The following CAMKMT variants were observed in gnomAD, a reference collection of about 807,000 sequenced individuals.
The protein encoded by CAMKMT is CaM KMT.
Under a neutral mutation model 48.0 loss-of-function variants are expected in CAMKMT, and 53 were observed. The observed-to-expected ratio is 1.10, with a 90% CI of 0.89 to 1.39. The LOEUF (loss-of-function observed/expected upper bound fraction) is 1.39. Among genes scored for constraint, CAMKMT ranks in the 40% most tolerant of loss-of-function variants. The probability of loss-of-function intolerance (pLI) is 0.00; values close to 1 mark genes in which losing one functional copy is unlikely to be tolerated. For synonymous variants in CAMKMT, 165 were observed against 152.3 expected (o/e 1.08, Z -0.61); for missense variants, 428 against 402.7 (o/e 1.06, Z -0.54).
At chr2:44,382,299 T>C (rs1001422443) in intron 2 of CAMKMT, among the ~76,000 whole-genome samples, 5 of 151,974 alleles carry the variant, frequency 3.3e-5, no homozygotes, top group African/African-American at 1.2e-4. Context: ...TAGTTTTCCA[T>C]ATTAGTGTAA....
At chr2:44,473,257 G>A (rs958653803) in intron 3 of CAMKMT, among the ~76,000 whole-genome samples, 6 of 152,036 alleles carry the variant, frequency 3.9e-5, no homozygotes, top group Admixed American at 6.6e-5. Flanking sequence ...GATAGGTATC[G>A]CATTAAAAAA....
intron 1 of CAMKMT, among the ~76,000 whole-genome samples, chr2:44,366,654 A>C: frequency 6.6e-6 from 1 of 152,196 alleles, no homozygotes; most frequent in East Asian, 1.9e-4. Flanking sequence ...ATTTGAGATA[A>C]TATTTGTAAA....
In CAMKMT at chr2:44,372,820, T is replaced by G; in HGVS notation, c.243T>G (p.Thr81=). 6.2e-7 allele frequency: 1 copy of G among 1,613,982 alleles called. No individual in the cohort carries two copies. The highest frequency in any genetic ancestry group is 8.5e-7 in the Non-Finnish European group (1 of 1,179,926). Residue 81 remains threonine, a synonymous_variant, in exon 2 of 11, where the codon ACT becomes ACG. Coordinates refer to ENST00000378494, the MANE Select transcript of CAMKMT (RefSeq NM_024766.5). The part of the protein sequence containing the change: ...FSVTEGKERE[T]EEEVGAWVQY... ...TAACAGAAGGCAAAGAAAGGGAAAC[T>G]GAAGAGGAGGTTGGTGCATGGGTCC...
chr2:44,700,572 A>G (rs1315264302), intron 3 of CAMKMT, among the ~76,000 whole-genome samples: 4 of 152,134 alleles, frequency 2.6e-5, no homozygotes, highest in Non-Finnish European at 5.9e-5. Context: ...AGGGAGAGAG[A>G]TGGGGGAATG....
intron 1 of CAMKMT, among the ~76,000 whole-genome samples, chr2:44,365,177 G>T (rs900435540): frequency 4.2e-4 from 64 of 152,120 alleles, no homozygotes; most frequent in African/African-American, 1.5e-3. Context: ...TTTCTCGCTC[G>T]TGGGACATCT....
intron 3 of CAMKMT, among the ~76,000 whole-genome samples, chr2:44,402,740 G>GTTTTTTTTTTTT: frequency 4.3e-5 from 4 of 94,100 alleles, no homozygotes; most frequent in African/African-American, 1.2e-4. Flanking sequence ...TTGTTTTGCT[G>GTTTTTTTTTTTT]TTTTTTTTTT....
chr2:44,515,558 A>G (rs1034757102), intron 3 of CAMKMT, among the ~76,000 whole-genome samples: 3 of 152,230 alleles, frequency 2.0e-5, no homozygotes, highest in South Asian at 2.1e-4. Flanking sequence ...ACTCTGTTAC[A>G]TGAATCAAAG....
chr2:44,394,391 G>A (rs999848593), intron 3 of CAMKMT, among the ~76,000 whole-genome samples: 1 of 150,622 alleles, frequency 6.6e-6, no homozygotes, highest in Non-Finnish European at 1.5e-5. Context: ...TGTGACAGTG[G>A]TGATTTTTGT....
At chr2:44,659,506 G>A (rs1455921748) in intron 3 of CAMKMT, among the ~76,000 whole-genome samples, 1 of 147,170 alleles carries the variant, frequency 6.8e-6, no homozygotes, top group Non-Finnish European at 1.5e-5. Flanking sequence ...GAGGTGGGAG[G>A]ATCCTCTGAG....
chr2:44,611,302 A>T (rs994732446), intron 3 of CAMKMT, among the ~76,000 whole-genome samples: 21 of 151,970 alleles, frequency 1.4e-4, no homozygotes. Context: ...GTGTGGTGGT[A>T]CACACCTGTA....
chr2:44,538,442 C>T (rs1239724147), intron 3 of CAMKMT, among the ~76,000 whole-genome samples: 1 of 151,732 alleles, frequency 6.6e-6, no homozygotes, highest in Non-Finnish European at 1.5e-5. Flanking sequence ...ACTACTCAGC[C>T]ATAAAAAGGA....
At chr2:44,728,050 G>A (rs1415528530) in intron 7 of CAMKMT, among the ~76,000 whole-genome samples, 1 of 152,108 alleles carries the variant, frequency 6.6e-6, no homozygotes, top group African/African-American at 2.4e-5. Flanking sequence ...AGCCTCCCAA[G>A]TAGATGGGAC....
chr2:44,739,890 C>T (rs1301769727), intron 7 of CAMKMT, among the ~76,000 whole-genome samples: 1 of 151,794 alleles, frequency 6.6e-6, no homozygotes, highest in Non-Finnish European at 1.5e-5. Flanking sequence ...TGGAAGTAAT[C>T]CAGAGAGAGA....
chr2:44,434,198 A>G (rs954752705), intron 3 of CAMKMT, among the ~76,000 whole-genome samples: 2 of 150,676 alleles, frequency 1.3e-5, no homozygotes, highest in African/African-American at 4.9e-5. Flanking sequence ...CAAGTATTCA[A>G]CTGTGGGCTG....
At chr2:44,412,186 A>C (rs896538019) in intron 3 of CAMKMT, among the ~76,000 whole-genome samples, 45 of 152,162 alleles carry the variant, frequency 3.0e-4, no homozygotes, top group African/African-American at 8.9e-4. Context: ...GATAACCCAC[A>C]AAGAGTCTGT....
intron 9 of CAMKMT, 124 bp from the exon 10 acceptor site, chr2:44,766,306 G>A: frequency 1.0e-6 from 1 of 981,242 alleles, no homozygotes; most frequent in Non-Finnish European, 1.6e-6. Context: ...ATCCTGCATA[G>A]ACATCTCAAG....
chr2:44,753,316 A>G (rs1177789034), intron 8 of CAMKMT, among the ~76,000 whole-genome samples: 2 of 150,388 alleles, frequency 1.3e-5, no homozygotes, highest in Non-Finnish European at 3.0e-5. Context: ...AGTCCCAGCT[A>G]CTTGGGAGGC....
In CAMKMT at chr2:44,546,184, C is replaced by CACAG. The variant is rs1667390272; in HGVS notation, c.376+155882_376+155883insGACA. 5.1e-5 allele frequency among the ~76,000 whole-genome samples: 7 copies of CACAG among 138,156 alleles called. No homozygotes were observed. In the South Asian group the frequency reaches 1.7e-3, roughly 34 times the overall value. The allele number at this position is 138,156 out of a possible 152,430, so 90.6% of individuals were successfully genotyped here. On this transcript the variant is annotated intron_variant, in intron 3 of 10. Coordinates refer to ENST00000378494, the MANE Select transcript of CAMKMT (RefSeq NM_024766.5). ...ACACACACACACACACACACACACA[C>CACAG]ACACACACACACACACACATACATG...
At chr2:44,658,145 G>C (rs1047708892) in intron 3 of CAMKMT, among the ~76,000 whole-genome samples, 1 of 152,208 alleles carries the variant, frequency 6.6e-6, no homozygotes, top group African/African-American at 2.4e-5. Flanking sequence ...ACGTCATTCT[G>C]TAGTTGTCAT....
Sources: gnomAD v4.1 joint callset for allele counts (sites outside exome capture counted in the v4.1 genomes callset) on GRCh38, gnomAD v4.1.1 for gene constraint, MANE v1.5 for transcripts, NCBI Gene and HGNC (gene_info 2026-07-23, HGNC 2026-07-21) for gene names.